The following DNM3 variants were observed in gnomAD, a reference collection of about 807,000 sequenced individuals.
DNM3 encodes the protein dynamin 3.
DNM3 carries 47 observed loss-of-function variants against 101.6 expected under a neutral mutation model. The observed-to-expected ratio is 0.46, with a 90% confidence interval of 0.37 to 0.59. DNM3 has a LOEUF of 0.59. DNM3 is among the 20% of genes least tolerant of loss of function. DNM3 has a pLI of 0.00. For missense variants in DNM3, 849 were observed against 1,085.7 expected (o/e 0.78, Z 3.06); for synonymous variants, 385 against 387.9 (o/e 0.99, Z 0.09).
At position 171,868,300 on chromosome 1, in the gene DNM3, G is replaced by A. The variant is rs111687223; in HGVS notation, c.161+26483G>A. On this transcript the variant is annotated intron_variant, in intron 1 of 20. Coordinates refer to ENST00000627582, the MANE Select transcript of DNM3 (RefSeq NM_015569.5). Reference sequence around the variant, plus strand: ...TCAAGCCCTGGGTCCTACCCTCCCTGATGAGGGTGACAAGAGGTGTCCTGC... The same window carrying A: ...TCAAGCCCTGGGTCCTACCCTCCCTAATGAGGGTGACAAGAGGTGTCCTGC... Among the ~76,000 whole-genome samples the A allele has an allele frequency of 7.7e-3, 1,170 of 152,098 alleles. 13 individuals carry two copies. Among genetic ancestry groups the A allele is most frequent in the African/African-American group, 0.027 (1,103 of 41,490 alleles).
At chr1:172,163,972 C>T (rs1026024299) in intron 14 of DNM3, among the ~76,000 whole-genome samples, 7 of 151,682 alleles carry the variant, frequency 4.6e-5, no homozygotes, top group Non-Finnish European at 8.8e-5. Flanking sequence ...CACACACACA[C>T]ACACACACAC....
Position 172,093,304 on chromosome 1 carries a change from A to G in DNM3, c.1545+429A>G, listed in dbSNP as rs183707855. Among the ~76,000 whole-genome samples, 19 of 152,286 alleles carry G rather than the reference A, an allele frequency of 1.2e-4. No individual in the cohort carries two copies. The East Asian group carries it at 3.3e-3, about 26-fold the overall frequency. ...TGAAGGGACAGCTCATGAAGAACGC[A>G]GTTGTTGGATGTAATCTCTGCCACA... On this transcript the variant is annotated intron_variant, in intron 13 of 20. Coordinates refer to ENST00000627582, the MANE Select transcript of DNM3 (RefSeq NM_015569.5).
At chr1:172,223,197 G>A (rs1379846684) in intron 14 of DNM3, among the ~76,000 whole-genome samples, 2 of 150,886 alleles carry the variant, frequency 1.3e-5, no homozygotes, top group African/African-American at 2.4e-5. Flanking sequence ...CTGTAACTTT[G>A]TATCTGTTGA....
chr1:172,179,076 C>T (rs1235569929), intron 14 of DNM3, among the ~76,000 whole-genome samples: 1 of 151,920 alleles, frequency 6.6e-6, no homozygotes, highest in African/African-American at 2.4e-5. Flanking sequence ...GAATGCTGAG[C>T]TAGTTGTTTT....
chr1:172,100,910 G>A (rs1487593811), intron 13 of DNM3, among the ~76,000 whole-genome samples: 2 of 152,186 alleles, frequency 1.3e-5, no homozygotes, highest in Non-Finnish European at 2.9e-5. Flanking sequence ...AGAAATAAGA[G>A]TCTTTCTCCC....
intron 17 of DNM3, among the ~76,000 whole-genome samples, chr1:172,372,407 T>C (rs1373878623): frequency 6.6e-6 from 1 of 151,934 alleles, no homozygotes; most frequent in Non-Finnish European, 1.5e-5. Flanking sequence ...TCCAGAATTA[T>C]TTCATTTATT....
chr1:171,980,545 A>G (rs1256290994), intron 2 of DNM3, among the ~76,000 whole-genome samples: 1 of 152,068 alleles, frequency 6.6e-6, no homozygotes, highest in Non-Finnish European at 1.5e-5. Flanking sequence ...GAACTCTGGA[A>G]GTTACTACTC....
At chr1:171,852,344 G>A (rs1268207039) in intron 1 of DNM3, among the ~76,000 whole-genome samples, 1 of 152,206 alleles carries the variant, frequency 6.6e-6, no homozygotes, top group Non-Finnish European at 1.5e-5. Context: ...GATACAACCA[G>A]TTAAGAAAGG....
At chr1:172,320,323 G>GTA (rs1219433851) in intron 16 of DNM3, among the ~76,000 whole-genome samples, 1 of 149,818 alleles carries the variant, frequency 6.7e-6, no homozygotes, top group Non-Finnish European at 1.5e-5. Context: ...CATGGCACAT[G>GTA]TATACATATG....
chr1:172,381,677 C>G (rs2068915688), intron 18 of DNM3, among the ~76,000 whole-genome samples: 1 of 152,000 alleles, frequency 6.6e-6, no homozygotes, highest in Non-Finnish European at 1.5e-5. Flanking sequence ...CAGCACTGTG[C>G]CATCTAGATG....
At chr1:172,311,698 A>T (rs1005181724) in intron 16 of DNM3, among the ~76,000 whole-genome samples, 1 of 152,222 alleles carries the variant, frequency 6.6e-6, no homozygotes, top group Non-Finnish European at 1.5e-5. Context: ...ATTTTTATGT[A>T]TCCATAGCTC....
chr1:172,323,903 G>A (rs866212884), intron 17 of DNM3, among the ~76,000 whole-genome samples: 1 of 152,140 alleles, frequency 6.6e-6, no homozygotes, highest in Non-Finnish European at 1.5e-5. Flanking sequence ...CCAGCTGGAT[G>A]GAAGCAGAAG....
In DNM3 at chr1:172,048,825, C is replaced by G. The variant is rs2050000454; in HGVS notation, c.1335+75C>G. ...ATTCCCTATCTCATTGCATGATTCT[C>G]TTTCCCTGACCCTCACTTTGTTATA... On this transcript the variant is annotated intron_variant, in intron 10 of 20. Coordinates refer to ENST00000627582, the MANE Select transcript of DNM3 (RefSeq NM_015569.5). 1.1e-5 allele frequency: 16 copies of G among 1,520,018 alleles called. No homozygotes were observed. The East Asian group carries it at 3.6e-4, about 35-fold the overall frequency. 94.2% of individuals were successfully genotyped at this position (1,520,018 alleles called of 1,614,324 possible).
intron 7 of DNM3, among the ~76,000 whole-genome samples, chr1:172,039,533 C>G (rs1026287098): frequency 7.9e-5 from 12 of 151,226 alleles, no homozygotes; most frequent in Non-Finnish European, 1.5e-5. Flanking sequence ...TGAGCTCTTG[C>G]AAAAACTCTT....
chr1:172,379,389 G>C (rs1252388289), intron 18 of DNM3, among the ~76,000 whole-genome samples: 2 of 151,986 alleles, frequency 1.3e-5, no homozygotes, highest in Non-Finnish European at 2.9e-5. Flanking sequence ...ATAGGACTGA[G>C]GTATTCCCCA....
chr1:172,356,707 C>T (rs890353864), intron 17 of DNM3, among the ~76,000 whole-genome samples: 6 of 152,006 alleles, frequency 3.9e-5, no homozygotes, highest in Admixed American at 3.9e-4. Flanking sequence ...AGTACAGGAC[C>T]TTTGTTTCTC....
chr1:171,898,706 A>AGT (rs2038033694), intron 1 of DNM3, among the ~76,000 whole-genome samples: 1 of 51,566 alleles, frequency 1.9e-5, no homozygotes, highest in Non-Finnish European at 4.3e-5. Flanking sequence ...ATATATATAT[A>AGT]GAGAGAGAGA....
chr1:172,095,103 G>T (rs902110355), intron 13 of DNM3, among the ~76,000 whole-genome samples: 3 of 152,160 alleles, frequency 2.0e-5, no homozygotes, highest in African/African-American at 7.2e-5. Flanking sequence ...ATAGAATTGG[G>T]TGAGTGTTAT....
At chr1:172,235,229 G>A (rs557191443) in intron 14 of DNM3, among the ~76,000 whole-genome samples, 10 of 152,234 alleles carry the variant, frequency 6.6e-5, no homozygotes, top group South Asian at 4.1e-4. Flanking sequence ...TTATGCAGCC[G>A]AAAGACACGT....
Sources: gnomAD v4.1 joint callset for allele counts (sites outside exome capture counted in the v4.1 genomes callset) on GRCh38, gnomAD v4.1.1 for gene constraint, MANE v1.5 for transcripts, NCBI Gene and HGNC (gene_info 2026-07-23, HGNC 2026-07-21) for gene names.